SLC35F1: variants seen among roughly 807,000 people sequenced by gnomAD.
SLC35F1 encodes chromosome 6 open reading frame 169.
SLC35F1 carries 14 observed loss-of-function variants against 48.7 expected under a neutral mutation model. That is an observed-to-expected ratio of 0.29 (90% confidence interval 0.19 to 0.45). The LOEUF (loss-of-function observed/expected upper bound fraction) is 0.45, where lower values mean the gene tolerates loss of function less well. Among genes scored for constraint, SLC35F1 ranks in the 20% least tolerant of loss-of-function variants. The pLI is 1.00. For synonymous variants in SLC35F1, 190 were observed against 202.2 expected (o/e 0.94, Z 0.51); for missense variants, 404 against 500.0 (o/e 0.81, Z 1.83).
intron 1 of SLC35F1, among the ~76,000 whole-genome samples, chr6:118,145,095 A>G (rs1773952209): frequency 6.6e-6 from 1 of 152,182 alleles, no homozygotes; most frequent in South Asian, 2.1e-4. Flanking sequence ...TATCACCTCA[A>G]AAAGAAATTC....
intron 1 of SLC35F1, among the ~76,000 whole-genome samples, chr6:118,028,453 A>G (rs1771989441): frequency 6.6e-6 from 1 of 152,130 alleles, no homozygotes; most frequent in Non-Finnish European, 1.5e-5. Flanking sequence ...TAAGTGAGGG[A>G]GTGAATCATA....
At chr6:117,994,450 A>G (rs563045378) in intron 1 of SLC35F1, among the ~76,000 whole-genome samples, 1 of 152,314 alleles carries the variant, frequency 6.6e-6, no homozygotes, top group Admixed American at 6.5e-5. Context: ...TAGGATATGG[A>G]CAGCTTTGGG....
At chr6:117,998,939 C>T in intron 1 of SLC35F1, 1 of 816,860 alleles carries the variant, frequency 1.2e-6, no homozygotes, top group Non-Finnish European at 2.1e-6. Context: ...TCTTCCGGTT[C>T]TAGGCACTTC....
rs1776425683 is a variant in SLC35F1, at chr6:118,315,630, G to GCA, written c.*1378_*1379insCA. ...AATTTTTTGTATTTTTAGTAGAGAT[G>GCA]GGGTTTCACCGTGTTAGCCAGGATG... On this transcript the variant is annotated 3_prime_UTR_variant, in exon 8 of 8. Coordinates refer to ENST00000360388, the MANE Select transcript of SLC35F1 (RefSeq NM_001029858.4). 6.6e-6 allele frequency: 1 copy of GCA among 150,970 alleles called. No homozygotes were observed. The highest frequency in any genetic ancestry group is 2.4e-5 in the African/African-American group (1 of 41,066). 9.4% of individuals were successfully genotyped at this position (150,970 alleles called of 1,614,324 possible).
At chr6:118,175,321 G>T (rs1050711024) in intron 2 of SLC35F1, among the ~76,000 whole-genome samples, 1 of 152,044 alleles carries the variant, frequency 6.6e-6, no homozygotes, top group African/African-American at 2.4e-5. Flanking sequence ...GTGAAAAGTC[G>T]TGGTGAGAAT....
chr6:117,919,046 C>T (rs528253054), intron 1 of SLC35F1, among the ~76,000 whole-genome samples: 1 of 152,144 alleles, frequency 6.6e-6, no homozygotes, highest in East Asian at 1.9e-4. Context: ...CAGGTGTGCA[C>T]CACCATGCTG....
chr6:118,012,061 A>G (rs1382474093), intron 1 of SLC35F1, among the ~76,000 whole-genome samples: 1 of 152,188 alleles, frequency 6.6e-6, no homozygotes, highest in Non-Finnish European at 1.5e-5. Context: ...GCATGCATAG[A>G]TCTTTAAGCA....
chr6:117,909,122 T>C (rs1449011442), intron 1 of SLC35F1, among the ~76,000 whole-genome samples: 1 of 152,224 alleles, frequency 6.6e-6, no homozygotes, highest in African/African-American at 2.4e-5. Flanking sequence ...TTCCATTTAT[T>C]ATCAAACAGA....
At chr6:118,273,046 A>C (rs1775877222) in intron 4 of SLC35F1, among the ~76,000 whole-genome samples, 1 of 149,464 alleles carries the variant, frequency 6.7e-6, no homozygotes, top group Non-Finnish European at 1.5e-5. Flanking sequence ...GACAAATATA[A>C]TTATCAGCAA....
chr6:118,185,504 C>T (rs1024057026), intron 2 of SLC35F1, among the ~76,000 whole-genome samples: 6 of 152,088 alleles, frequency 3.9e-5, no homozygotes, highest in Admixed American at 3.3e-4. Flanking sequence ...AACAGGAAAA[C>T]AAAATCAAAC....
intron 3 of SLC35F1, among the ~76,000 whole-genome samples, chr6:118,240,562 C>T (rs889610334): frequency 3.9e-5 from 6 of 152,142 alleles, no homozygotes; most frequent in South Asian, 4.1e-4. Flanking sequence ...ACAGAACTTC[C>T]AGTCAAGTGG....
chr6:118,238,079 A>T (rs1297475884), intron 3 of SLC35F1, among the ~76,000 whole-genome samples: 1 of 152,082 alleles, frequency 6.6e-6, no homozygotes, highest in Non-Finnish European at 1.5e-5. Context: ...CCCACTACAG[A>T]TGTCCCATAA....
At chr6:118,129,340 A>G (rs1218330745) in intron 1 of SLC35F1, among the ~76,000 whole-genome samples, 1 of 152,192 alleles carries the variant, frequency 6.6e-6, no homozygotes, top group African/African-American at 2.4e-5. Context: ...AGAAGCAGGC[A>G]TAAAGATCCA....
At chr6:118,190,490 T>C (rs967961992) in intron 2 of SLC35F1, among the ~76,000 whole-genome samples, 3 of 151,976 alleles carry the variant, frequency 2.0e-5, no homozygotes, top group African/African-American at 4.8e-5. Context: ...GGTGAGAGTA[T>C]GATTTAAAAA....
At chr6:118,218,285 G>A (rs1312881771) in intron 2 of SLC35F1, among the ~76,000 whole-genome samples, 1 of 152,158 alleles carries the variant, frequency 6.6e-6, no homozygotes, top group Non-Finnish European at 1.5e-5. Flanking sequence ...AATTAGTAAT[G>A]TGAGAAGCTT....
chr6:118,138,834 A>G (rs1773837833), intron 1 of SLC35F1, among the ~76,000 whole-genome samples: 1 of 152,230 alleles, frequency 6.6e-6, no homozygotes, highest in South Asian at 2.1e-4. Flanking sequence ...TGTGCTCATT[A>G]TTATGCATGT....
chr6:118,298,908 C>G (rs1353538259), intron 7 of SLC35F1, among the ~76,000 whole-genome samples: 1 of 152,196 alleles, frequency 6.6e-6, no homozygotes, highest in Non-Finnish European at 1.5e-5. Flanking sequence ...GGCATGGTGG[C>G]TCATGCCTGT....
chr6:118,209,840 A>G (rs1774980350), intron 2 of SLC35F1, among the ~76,000 whole-genome samples: 1 of 152,118 alleles, frequency 6.6e-6, no homozygotes, highest in African/African-American at 2.4e-5. Context: ...AAGTTTTCAT[A>G]AATGTTTTGT....
At chr6:118,079,416 CA>C (rs1772872758) in intron 1 of SLC35F1, among the ~76,000 whole-genome samples, 1 of 152,108 alleles carries the variant, frequency 6.6e-6, no homozygotes, top group Admixed American at 6.6e-5. Flanking sequence ...CCAGTGGAGC[CA>C]GGTTACTTTC....
Sources: gnomAD v4.1 joint callset for allele counts (sites outside exome capture counted in the v4.1 genomes callset) on GRCh38, gnomAD v4.1.1 for gene constraint, MANE v1.5 for transcripts, NCBI Gene and HGNC (gene_info 2026-07-23, HGNC 2026-07-21) for gene names.